BTRC: variants seen among roughly 807,000 people sequenced by gnomAD.
BTRC encodes the protein F-box/WD repeat-containing protein 1A.
In BTRC, 42 loss-of-function variants were observed where a neutral mutation model predicts 85.5. The ratio of observed to expected loss-of-function variants is 0.49; its 90% CI spans 0.38 to 0.64. The LOEUF is 0.64. BTRC is among the 30% of genes least tolerant of loss of function. The pLI is 0.00. For missense variants in BTRC, 594 were observed against 743.5 expected, an observed-to-expected ratio of 0.80 and a Z score of 2.34; for synonymous variants, 255 against 263.3, an observed-to-expected ratio of 0.97 and a Z score of 0.30.
chr10:101,396,123 C>G (rs943344773), intron 1 of BTRC, among the ~76,000 whole-genome samples: 1 of 151,062 alleles, frequency 6.6e-6, no homozygotes, highest in Non-Finnish European at 1.5e-5. Context: ...TCTGTTATAG[C>G]GAATACTGGT....
intron 1 of BTRC, among the ~76,000 whole-genome samples, chr10:101,358,449 C>T (rs1942107130): frequency 6.6e-6 from 1 of 152,034 alleles, no homozygotes; most frequent in African/African-American, 2.4e-5. Context: ...TCCAGCCAAT[C>T]CCAGAATCAA....
At chr10:101,464,948 G>A (rs1945333376) in intron 3 of BTRC, among the ~76,000 whole-genome samples, 1 of 152,126 alleles carries the variant, frequency 6.6e-6, no homozygotes, top group Non-Finnish European at 1.5e-5. Context: ...GTCAATAGAA[G>A]CGGGTCACAG....
intron 2 of BTRC, among the ~76,000 whole-genome samples, chr10:101,433,240 C>T (rs905981930): frequency 9.9e-5 from 15 of 152,154 alleles, no homozygotes; most frequent in African/African-American, 3.6e-4. Context: ...GAATACTTTA[C>T]ATACATATAT....
intron 13 of BTRC, among the ~76,000 whole-genome samples, chr10:101,539,300 A>C (rs1314393390): frequency 1.3e-5 from 2 of 152,250 alleles, no homozygotes; most frequent in African/African-American, 4.8e-5. Context: ...TTGGAGCAAC[A>C]GGGTGGACAG....
At chr10:101,414,166 CTTT>C (rs1943860538) in intron 1 of BTRC, among the ~76,000 whole-genome samples, 1 of 152,184 alleles carries the variant, frequency 6.6e-6, no homozygotes, top group Non-Finnish European at 1.5e-5. Context: ...CACCATCCTA[CTTT>C]CTGAATTTGA....
chr10:101,414,290 A>G (rs1299437140), intron 1 of BTRC, among the ~76,000 whole-genome samples: 1 of 152,158 alleles, frequency 6.6e-6, no homozygotes, highest in African/African-American at 2.4e-5. Flanking sequence ...TTGAGATTAT[A>G]ATGGAGCTGA....
intron 1 of BTRC, among the ~76,000 whole-genome samples, chr10:101,365,384 TAA>T (rs1942341209): frequency 6.6e-6 from 1 of 151,190 alleles, no homozygotes. Context: ...TTTTTTTTTT[TAA>T]TTTTTTGAGA....
At chr10:101,377,250 G>A (rs984690972) in intron 1 of BTRC, among the ~76,000 whole-genome samples, 1 of 152,132 alleles carries the variant, frequency 6.6e-6, no homozygotes, top group African/African-American at 2.4e-5. Context: ...TCTTACTATT[G>A]TTGATTAGTA....
At chr10:101,489,555 G>A (rs370478784) in intron 4 of BTRC, among the ~76,000 whole-genome samples, 27 of 152,096 alleles carry the variant, frequency 1.8e-4, no homozygotes, top group East Asian at 7.7e-4. Flanking sequence ...CAAAGCTTGT[G>A]AAACCTGAGC....
chr10:101,413,271 G>A (rs1236852176), intron 1 of BTRC, among the ~76,000 whole-genome samples: 2 of 152,026 alleles, frequency 1.3e-5, no homozygotes, highest in Non-Finnish European at 2.9e-5. Context: ...AGCCTCCTGA[G>A]TAGCTGGGAT....
intron 1 of BTRC, 48 bp from the exon 2 acceptor site, chr10:101,430,297 C>T: frequency 1.5e-6 from 2 of 1,325,006 alleles, no homozygotes; most frequent in Non-Finnish European, 2.1e-6. Flanking sequence ...GTAATCTGTG[C>T]CATCCTGTCT....
intron 1 of BTRC, among the ~76,000 whole-genome samples, chr10:101,408,697 C>T (rs1217775372): frequency 6.6e-6 from 1 of 152,132 alleles, no homozygotes; most frequent in Non-Finnish European, 1.5e-5. Flanking sequence ...TATTGGCTTA[C>T]TAGGTACCTT....
At chr10:101,467,115 G>A (rs1022479298) in intron 3 of BTRC, among the ~76,000 whole-genome samples, 2 of 151,690 alleles carry the variant, frequency 1.3e-5, no homozygotes, top group Non-Finnish European at 2.9e-5. Flanking sequence ...GTTCTTTGGA[G>A]GACAATTTAT....
At chr10:101,462,117 AG>A (rs869238527) in intron 3 of BTRC, 59 bp downstream of exon 3, 1 of 1,206,258 alleles carries the variant, frequency 8.3e-7, no homozygotes, top group Middle Eastern at 1.9e-4. Context: ...AAAAGACAGG[AG>A]GAAACCCTTG....
intron 1 of BTRC, among the ~76,000 whole-genome samples, chr10:101,411,318 G>C (rs554923865): frequency 7.9e-5 from 12 of 152,014 alleles, no homozygotes; most frequent in Non-Finnish European, 1.5e-4. Flanking sequence ...TTATAGTTTT[G>C]TATGGGTTGG....
rs869163139 is a variant in BTRC, at chr10:101,473,465, CT to C, written c.235-5880del. Among the ~76,000 whole-genome samples the C allele has an allele frequency of 9.0e-3, 866 of 96,740 alleles. 3 individuals are homozygous for C. Among genetic ancestry groups the C allele is most frequent in the African/African-American group, 0.027 (607 of 22,592 alleles). The allele number at this position is 96,740 out of a possible 152,430, so 63.5% of individuals were successfully genotyped here. On this transcript the variant is annotated intron_variant, in intron 3 of 14. Coordinates refer to ENST00000370187, the MANE Select transcript of BTRC (RefSeq NM_033637.4). Reference sequence around the variant, plus strand: ...TACCCAACTAATTTTTCTTTTTTCTCTTTTTTTTTTTTTTTTTTTTTTTGAG... The same window carrying C: ...TACCCAACTAATTTTTCTTTTTTCTCTTTTTTTTTTTTTTTTTTTTTTGAG...
intron 1 of BTRC, among the ~76,000 whole-genome samples, chr10:101,411,128 T>C (rs1182451921): frequency 6.6e-6 from 1 of 151,904 alleles, no homozygotes; most frequent in East Asian, 1.9e-4. Flanking sequence ...CCTGAGTAGC[T>C]GGCATTACAG....
chr10:101,435,919 G>C (rs1338904785), intron 2 of BTRC, among the ~76,000 whole-genome samples: 1 of 151,736 alleles, frequency 6.6e-6, no homozygotes, highest in Non-Finnish European at 1.5e-5. Flanking sequence ...AGCATCTTAA[G>C]TCAAAATTCT....
chr10:101,451,281 A>T (rs994984194), intron 2 of BTRC, among the ~76,000 whole-genome samples: 5 of 152,166 alleles, frequency 3.3e-5, no homozygotes, highest in African/African-American at 1.2e-4. Context: ...AATGGCAGCA[A>T]ATAATTTTAA....
Sources: allele counts gnomAD v4.1 joint callset (sites outside exome capture counted in the v4.1 genomes callset), GRCh38; gene constraint gnomAD v4.1.1; transcripts MANE v1.5; gene names NCBI Gene and HGNC (gene_info 2026-07-23, HGNC 2026-07-21).